Variants in PYROXD2 observed in about 807,000 individuals in gnomAD.
The protein encoded by PYROXD2 is pyridine nucleotide-disulphide oxidoreductase domain 2, also known as pyridine nucleotide-disulfide oxidoreductase domain-containing protein 2.
PYROXD2 carries 69 observed loss-of-function variants against 71.1 expected under a neutral mutation model. The observed-to-expected ratio is 0.97, with a 90% CI of 0.80 to 1.19. The LOEUF is 1.19. PYROXD2 is among the 50% of genes most tolerant of loss of function. PYROXD2 has a pLI of 0.00. For missense variants in PYROXD2, 745 were observed against 748.9 expected, an observed-to-expected ratio of 0.99 and a Z score of 0.06; for synonymous variants, 287 against 302.7, an observed-to-expected ratio of 0.95 and a Z score of 0.54.
At chr10:98,387,332 G>A in intron 13 of PYROXD2, 25 bp from the exon 14 acceptor site, 1 of 1,563,400 alleles carries the variant, frequency 6.4e-7, no homozygotes, top group Non-Finnish European at 8.8e-7. Context: ...ACAGAGAAAT[G>A]AGATGGTGTT....
At chr10:98,407,111 C>T (rs564905862) in intron 4 of PYROXD2, among the ~76,000 whole-genome samples, 7 of 152,106 alleles carry the variant, frequency 4.6e-5, no homozygotes, top group South Asian at 2.1e-4. Flanking sequence ...GGTCAGCAGA[C>T]TAAGAGAGGC....
At chr10:98,405,312 C>T (rs1026998488) in intron 4 of PYROXD2, among the ~76,000 whole-genome samples, 1 of 152,080 alleles carries the variant, frequency 6.6e-6, no homozygotes, top group East Asian at 1.9e-4. Flanking sequence ...GTGGAGGGTG[C>T]TTTGGCTCAA....
chr10:98,409,906 C>T (rs191405115), intron 2 of PYROXD2, among the ~76,000 whole-genome samples: 42 of 152,158 alleles, frequency 2.8e-4, no homozygotes, highest in African/African-American at 8.9e-4. Context: ...GGCGAAACCC[C>T]GTCTCTACTA....
chr10:98,390,552 G>C, intron 12 of PYROXD2, 46 bp downstream of exon 12: 1 of 1,520,222 alleles, frequency 6.6e-7, no homozygotes, highest in Non-Finnish European at 8.8e-7. Context: ...CGCCTCCCAG[G>C]CCCATGTGGA....
chr10:98,397,270 G>A, intron 6 of PYROXD2, 75 bp downstream of exon 6: 1 of 1,483,410 alleles, frequency 6.7e-7, no homozygotes, highest in Non-Finnish European at 9.0e-7. Context: ...TCAGGCTTGT[G>A]TCTAGGCATC....
At chr10:98,394,620 A>T (rs1486212899) in intron 8 of PYROXD2, among the ~76,000 whole-genome samples, 4 of 151,194 alleles carry the variant, frequency 2.6e-5, no homozygotes, top group African/African-American at 9.8e-5. Context: ...ATTAAGTCAG[A>T]CCACACTGCA....
chr10:98,384,319 C>G (rs899427071), intron 15 of PYROXD2, among the ~76,000 whole-genome samples: 2 of 152,216 alleles, frequency 1.3e-5, no homozygotes, highest in African/African-American at 2.4e-5. Context: ...AAGAAGTTAA[C>G]TTTATCCATC....
rs57195135 is a variant in PYROXD2 at position 98,386,327 on chromosome 10, G to GAGGAAGGA, written c.1554+866_1554+873dup. Among the ~76,000 whole-genome samples, 89 of 134,932 alleles carry GAGGAAGGA rather than the reference G, an allele frequency of 6.6e-4. 2 individuals carry two copies. Among genetic ancestry groups the GAGGAAGGA allele is most frequent in the Middle Eastern group, 7.5e-3 (2 of 268 alleles). The allele number at this position is 134,932 out of a possible 152,430, so 88.5% of individuals were successfully genotyped here. On this transcript the variant is annotated intron_variant, in intron 14 of 15. Transcript: ENST00000370575. ...GGAGGGAGGAAACAAGGAAGGGAGG[G>GAGGAAGGA]AGGAAGGAAGGAAGGAAGGAAGGAA...
intron 12 of PYROXD2, 146 bp downstream of exon 12, chr10:98,390,452 T>G: frequency 1.1e-6 from 1 of 928,422 alleles, no homozygotes; most frequent in Non-Finnish European, 1.5e-6. Flanking sequence ...GCACTTCCTG[T>G]CCTTAGGAGT....
Position 98,393,096 on chromosome 10 carries a change from C to A in PYROXD2, c.786-13G>T. On this transcript the variant is annotated splice_polypyrimidine_tract_variant and intron_variant, in intron 8 of 15. Transcript: ENST00000370575. Reference sequence around the variant, plus strand: ...CAGCAGCACATACCTGTGGACAGACCATCCGACTCAGATCCTGGAGGTGGG... The same window carrying A: ...CAGCAGCACATACCTGTGGACAGACAATCCGACTCAGATCCTGGAGGTGGG... The A allele has an allele frequency of 6.6e-7, 1 of 1,514,186 alleles. No individual in the cohort carries two copies. Among genetic ancestry groups the A allele is most frequent in the Non-Finnish European group, 8.8e-7 (1 of 1,139,916 alleles). 93.8% of individuals were successfully genotyped at this position (1,514,186 alleles called of 1,614,324 possible). A position where few individuals can be genotyped will look rare whatever the true frequency, so the allele number is the denominator to read the frequency against.
intron 4 of PYROXD2, among the ~76,000 whole-genome samples, chr10:98,406,621 G>A (rs182067353): frequency 3.4e-5 from 5 of 149,206 alleles, no homozygotes; most frequent in Middle Eastern, 3.8e-3. Flanking sequence ...GGCCGGGTGC[G>A]GTGGCTCACG....
chr10:98,395,124 T>C (rs1843116180), intron 8 of PYROXD2, 72 bp downstream of exon 8: 6 of 1,322,414 alleles, frequency 4.5e-6, no homozygotes, highest in Admixed American at 1.7e-5. Context: ...TTGCTGCCAC[T>C]GCCACTGTTG....
chr10:98,415,088 G>A lies in PYROXD2; in HGVS notation c.48C>T (p.Pro16=). The A allele has an allele frequency of 6.2e-7, 1 of 1,614,074 alleles. No homozygotes were observed. ...RGLCKAVAAS[P]FPAWRRDNTE... is the part of the protein sequence containing the mutation. ...TGTTATCTCGTCTCCACGCCGGGAA[G>A]GGAGAGGCGGCCACAGCCTTGCAGA... Residue 16 remains proline, a synonymous_variant, in exon 1 of 16, where the codon CCC becomes CCT. Transcript: ENST00000370575.
chr10:98,386,558 A>G (rs201337071), intron 14 of PYROXD2, among the ~76,000 whole-genome samples: 2 of 77,866 alleles, frequency 2.6e-5, no homozygotes, highest in Non-Finnish European at 4.8e-5. Flanking sequence ...TTTTTTTTAA[A>G]TTTTCTTTCT....
At chr10:98,394,787 C>T (rs1396894884) in intron 8 of PYROXD2, among the ~76,000 whole-genome samples, 2 of 151,612 alleles carry the variant, frequency 1.3e-5, no homozygotes, top group African/African-American at 4.9e-5. Flanking sequence ...GGAGAATGGG[C>T]GTTTGCGGGA....
In PYROXD2 at chr10:98,405,819, G is replaced by A. The variant is rs567180619; in HGVS notation, c.315+1763C>T. ...ATCATAGCTCAAGAACAAGGAGTAG[G>A]AGACAGTCAGGCCTTGGCTTGAATT... is the stretch of plus-strand genomic sequence containing the variant. On this transcript the variant is annotated intron_variant, in intron 4 of 15. Coordinates refer to ENST00000370575, the MANE Select transcript of PYROXD2 (RefSeq NM_032709.3). Among the ~76,000 whole-genome samples, 4 of 152,358 alleles carry A rather than the reference G, an allele frequency of 2.6e-5. No homozygotes were observed. In the South Asian group the frequency reaches 8.3e-4, roughly 32 times the overall value.
intron 2 of PYROXD2, among the ~76,000 whole-genome samples, chr10:98,409,256 A>ACTG (rs10628383): frequency 0.22 from 33,409 of 151,988 alleles, 4,064 homozygotes; most frequent in South Asian, 0.39. Flanking sequence ...GAAATGAGTG[A>ACTG]CTGCTACTTC....
intron 1 of PYROXD2, among the ~76,000 whole-genome samples, chr10:98,412,146 T>G (rs1843808234): frequency 6.6e-6 from 1 of 152,158 alleles, no homozygotes; most frequent in South Asian, 2.1e-4. Flanking sequence ...TGGGAGCTAT[T>G]TGTCTTTTAA....
rs74372089 is a variant in PYROXD2, at chr10:98,383,570, T to G, written c.*228A>C. ...GAGAAAAAATACAAGCAAAATAATC[T>G]GTATGAAATATTAGTTTTAATAAAA... On this transcript the variant is annotated 3_prime_UTR_variant, in exon 16 of 16. Transcript: ENST00000370575. 1.5e-5 allele frequency: 9 copies of G among 581,808 alleles called. No homozygotes were observed. The South Asian group carries it at 2.0e-4, about 13-fold the overall frequency. 36.0% of individuals were successfully genotyped at this position (581,808 alleles called of 1,614,324 possible).
Sources: gnomAD v4.1 joint callset for allele counts (sites outside exome capture counted in the v4.1 genomes callset) on GRCh38, gnomAD v4.1.1 for gene constraint, MANE v1.5 for transcripts, NCBI Gene and HGNC (gene_info 2026-07-23, HGNC 2026-07-21) for gene names.